Variants in CDH12 observed in about 807,000 individuals in gnomAD.
CDH12 encodes cadherin 12.
A neutral mutation model predicts 74.1 loss-of-function variants in CDH12; 41 were observed. The ratio of observed to expected loss-of-function variants is 0.55; its 90% CI spans 0.43 to 0.72. The LOEUF is 0.72. Among genes scored for constraint, CDH12 ranks in the 30% least tolerant of loss-of-function variants. CDH12 has a pLI of 0.00. For synonymous variants in CDH12, 399 were observed against 355.0 expected, an observed-to-expected ratio of 1.12 and a Z score of -1.39; for missense variants, 945 against 977.2, an observed-to-expected ratio of 0.97 and a Z score of 0.44.
chr5:21,795,785 T>G (rs1746746671), intron 10 of CDH12, among the ~76,000 whole-genome samples: 1 of 151,996 alleles, frequency 6.6e-6, no homozygotes, highest in Admixed American at 6.6e-5. Context: ...GTGCTGTGTC[T>G]GAACTTACGT....
At chr5:21,817,559 A>G (rs1748129905) in intron 8 of CDH12, among the ~76,000 whole-genome samples, 1 of 152,030 alleles carries the variant, frequency 6.6e-6, no homozygotes, top group Admixed American at 6.6e-5. Context: ...TAGATAGGTG[A>G]TAGATATATA....
intron 1 of CDH12, among the ~76,000 whole-genome samples, chr5:22,783,660 G>C (rs1747489687): frequency 6.6e-6 from 1 of 152,076 alleles, no homozygotes. Flanking sequence ...TTTAATATTA[G>C]ATATTTAAAC....
At chr5:22,111,894 C>T (rs1006301029) in intron 4 of CDH12, among the ~76,000 whole-genome samples, 4 of 152,132 alleles carry the variant, frequency 2.6e-5, no homozygotes, top group East Asian at 1.9e-4. Flanking sequence ...AATGACTTTT[C>T]GTGTCTATAT....
intron 1 of CDH12, among the ~76,000 whole-genome samples, chr5:22,717,915 G>T (rs902647798): frequency 1.3e-5 from 2 of 150,554 alleles, no homozygotes; most frequent in African/African-American, 2.4e-5. Context: ...CATCCACAAA[G>T]AAAAAAAAAG....
intron 2 of CDH12, among the ~76,000 whole-genome samples, chr5:22,415,253 G>A (rs1743333945): frequency 6.6e-6 from 1 of 152,082 alleles, no homozygotes; most frequent in East Asian, 1.9e-4. Context: ...TGACACATAT[G>A]GGAAGTAATT....
At chr5:22,702,639 T>C (rs1032163057) in intron 1 of CDH12, among the ~76,000 whole-genome samples, 1 of 152,032 alleles carries the variant, frequency 6.6e-6, no homozygotes, top group Admixed American at 6.6e-5. Flanking sequence ...TATAGATATT[T>C]TTTCCCCTCC....
At chr5:21,935,365 C>T (rs1755030372) in intron 6 of CDH12, among the ~76,000 whole-genome samples, 1 of 152,180 alleles carries the variant, frequency 6.6e-6, no homozygotes, top group South Asian at 2.1e-4. Context: ...ACATTAAGCT[C>T]TACATACCTC....
intron 1 of CDH12, among the ~76,000 whole-genome samples, chr5:22,837,587 ATGT>A (rs1358852545): frequency 6.6e-6 from 1 of 152,200 alleles, no homozygotes; most frequent in Non-Finnish European, 1.5e-5. Context: ...ATGTAAAAAT[ATGT>A]TATTATGAAG....
At chr5:22,339,447 T>C (rs925092164) in intron 3 of CDH12, among the ~76,000 whole-genome samples, 1 of 152,230 alleles carries the variant, frequency 6.6e-6, no homozygotes, top group Non-Finnish European at 1.5e-5. Context: ...GCTATACTTA[T>C]AAATATTTGG....
At chr5:22,301,857 C>T (rs1487911038) in intron 3 of CDH12, among the ~76,000 whole-genome samples, 1 of 151,502 alleles carries the variant, frequency 6.6e-6, no homozygotes, top group Non-Finnish European at 1.5e-5. Flanking sequence ...TTGGTAGAGA[C>T]AGAGTCTCAC....
intron 1 of CDH12, among the ~76,000 whole-genome samples, chr5:22,595,622 A>G (rs1392218630): frequency 6.6e-6 from 1 of 152,202 alleles, no homozygotes; most frequent in African/African-American, 2.4e-5. Flanking sequence ...CACATCTCCT[A>G]TGCCTAACCC....
At chr5:22,392,829 G>C (rs1742300282) in intron 3 of CDH12, among the ~76,000 whole-genome samples, 1 of 152,092 alleles carries the variant, frequency 6.6e-6, no homozygotes, top group Non-Finnish European at 1.5e-5. Flanking sequence ...AGAGTATAGT[G>C]GAGAGATTGC....
chr5:22,538,151 T>C (rs1480549511), intron 1 of CDH12, among the ~76,000 whole-genome samples: 1 of 152,186 alleles, frequency 6.6e-6, no homozygotes, highest in Non-Finnish European at 1.5e-5. Flanking sequence ...GTGCATTCCA[T>C]ACCATTTGTA....
Position 21,854,735 on chromosome 5 carries a change from G to C in CDH12, c.582C>G (p.Asn194Lys), listed in dbSNP as rs745995770. 8 of 1,609,192 alleles carry C rather than the reference G, an allele frequency of 5.0e-6. No homozygotes were observed. Among genetic ancestry groups the C allele is most frequent in the East Asian group, 2.2e-5 (1 of 44,748 alleles). Reference protein sequence around the residue: ...ATDADDPTYGNSARVVYSILQ... With the variant: ...ATDADDPTYGKSARVVYSILQ... ...GAATGCTGTAAACGACTCTGGCACT[G>C]TTTCCATAGGTCGGGTCATCTGCAT... The change falls in exon 7 of 15, where the codon AAC (asparagine) becomes AAG (lysine). Residue 194 changes from asparagine to lysine, a missense_variant. By Grantham distance (94) the Asn-to-Lys change is moderately conservative (BLOSUM62 0). Coordinates refer to ENST00000382254, the MANE Select transcript of CDH12 (RefSeq NM_004061.5).
chr5:22,349,395 T>G (rs1466653234), intron 3 of CDH12, among the ~76,000 whole-genome samples: 1 of 152,166 alleles, frequency 6.6e-6, no homozygotes, highest in Non-Finnish European at 1.5e-5. Context: ...GAAATTATAA[T>G]TTCTCTTTCT....
At chr5:22,641,074 G>T (rs190115027) in intron 1 of CDH12, among the ~76,000 whole-genome samples, 1 of 152,216 alleles carries the variant, frequency 6.6e-6, no homozygotes, top group East Asian at 1.9e-4. Flanking sequence ...AGACACATAC[G>T]TACATACATA....
At chr5:22,268,446 C>CTATT (rs1736235605) in intron 3 of CDH12, among the ~76,000 whole-genome samples, 2 of 152,082 alleles carry the variant, frequency 1.3e-5, no homozygotes, top group East Asian at 3.9e-4. Flanking sequence ...ATGCCCAACT[C>CTATT]TATTTAAAAC....
rs187475622 is a variant in CDH12, at chr5:22,055,558, A to T, written c.231+22888T>A. Among the ~76,000 whole-genome samples the T allele has an allele frequency of 6.8e-3, 1,037 of 151,824 alleles. 5 individuals carry two copies. The highest frequency in any genetic ancestry group is 1.0e-2 in the Non-Finnish European group (678 of 67,932). On this transcript the variant is annotated intron_variant, in intron 5 of 14. Coordinates refer to ENST00000382254, the MANE Select transcript of CDH12 (RefSeq NM_004061.5). The stretch of plus-strand genomic sequence containing the variant: ...AGGAAGCTTACTGTATTGAGAACAA[A>T]TTTTTTTTCTGTAAGTAATTATTTT...
At chr5:22,366,015 G>A (rs1468952397) in intron 3 of CDH12, among the ~76,000 whole-genome samples, 2 of 152,098 alleles carry the variant, frequency 1.3e-5, no homozygotes, top group Admixed American at 1.3e-4. Flanking sequence ...CTGGAGTACA[G>A]TGGTGCGATC....
Sources: allele counts gnomAD v4.1 joint callset (sites outside exome capture counted in the v4.1 genomes callset), GRCh38; gene constraint gnomAD v4.1.1; transcripts MANE v1.5; gene names NCBI Gene and HGNC (gene_info 2026-07-23, HGNC 2026-07-21).